The following RHOA variants were observed in gnomAD, a reference collection of about 807,000 sequenced individuals.
RHOA encodes transforming protein RhoA.
Under a neutral mutation model 17.5 loss-of-function variants are expected in RHOA, and 3 were observed. The observed-to-expected ratio is 0.17, with a 90% CI of 0.08 to 0.44. The LOEUF (loss-of-function observed/expected upper bound fraction) is 0.44, where lower values mean the gene tolerates loss of function less well. RHOA is among the 20% of genes least tolerant of loss of function. RHOA has a pLI of 0.99. For missense variants in RHOA, 56 were observed against 242.3 expected, an observed-to-expected ratio of 0.23 and a Z score of 5.10; for synonymous variants, 98 against 88.4, an observed-to-expected ratio of 1.11 and a Z score of -0.61.
At chr3:49,368,295 T>A in intron 3 of RHOA, 133 bp downstream of exon 3, 1 of 1,148,390 alleles carries the variant, frequency 8.7e-7, no homozygotes, top group Non-Finnish European at 1.3e-6. Context: ...AATCCCAAAC[T>A]CCAGGACTCC....
intron 2 of RHOA, among the ~76,000 whole-genome samples, chr3:49,372,835 C>T (rs1045637637): frequency 2.6e-5 from 4 of 151,794 alleles, no homozygotes; most frequent in Admixed American, 2.0e-4. Flanking sequence ...AAACATTTTC[C>T]GTTACTTCAC....
At chr3:49,376,899 C>G (rs1052163263) in intron 1 of RHOA, among the ~76,000 whole-genome samples, 1 of 151,880 alleles carries the variant, frequency 6.6e-6, no homozygotes, top group African/African-American at 2.4e-5. Context: ...GAGGCCGAGG[C>G]AGGCAGATCA....
chr3:49,382,116 G>A (rs892652866), intron 1 of RHOA, among the ~76,000 whole-genome samples: 27 of 148,348 alleles, frequency 1.8e-4, no homozygotes, highest in African/African-American at 6.2e-4. Context: ...TAAGGAGATC[G>A]AGACCATCCT....
At chr3:49,397,127 C>A (rs1162321235) in intron 1 of RHOA, among the ~76,000 whole-genome samples, 4 of 105,294 alleles carry the variant, frequency 3.8e-5, no homozygotes, top group African/African-American at 3.7e-5. Flanking sequence ...AAAATCCTGT[C>A]TCAAAAAAAA....
At chr3:49,361,499 C>A (rs1270471393) in intron 4 of RHOA, among the ~76,000 whole-genome samples, 1 of 152,206 alleles carries the variant, frequency 6.6e-6, no homozygotes, top group Middle Eastern at 3.2e-3. Context: ...TCTGGACTCC[C>A]AGCCTTCAAG....
In RHOA at chr3:49,408,051, T is replaced by C. The variant is rs79050907; in HGVS notation, c.-3+3769A>G. Among the ~76,000 whole-genome samples, 417 of 151,876 alleles carry C rather than the reference T, an allele frequency of 2.7e-3. 3 individuals are homozygous for C. Among genetic ancestry groups the C allele is most frequent in the African/African-American group, 9.4e-3 (387 of 41,374 alleles). On this transcript the variant is annotated intron_variant, in intron 1 of 4. Coordinates refer to ENST00000418115, the MANE Select transcript of RHOA (RefSeq NM_001664.4). ...GGCGCATGCTGGTACTCCCAACTACTCCAGAGGCCGAGGCACAAGAATCAC... is the reference window on the plus strand; with the variant it reads ...GGCGCATGCTGGTACTCCCAACTACCCCAGAGGCCGAGGCACAAGAATCAC...
intron 1 of RHOA, among the ~76,000 whole-genome samples, chr3:49,376,118 G>T (rs1044009431): frequency 6.6e-6 from 1 of 152,028 alleles, no homozygotes; most frequent in Non-Finnish European, 1.5e-5. Context: ...TGGGATTACA[G>T]GCGTGAGCCA....
intron 3 of RHOA, among the ~76,000 whole-genome samples, chr3:49,363,072 A>T (rs983535226): frequency 1.8e-4 from 27 of 152,016 alleles, no homozygotes; most frequent in African/African-American, 6.0e-4. Context: ...TTGTTCATCA[A>T]CTCTCAGCAT....
At position 49,362,823 on chromosome 3, in the gene RHOA, T is replaced by C. The variant is rs927873617; in HGVS notation, c.278-197A>G. ...TTTAAACAGAGAACCAACAGCTTTT[T>C]CTCAGTCCAGCCAAGAGTGGTGCTG... On this transcript the variant is annotated intron_variant, in intron 3 of 4. Transcript: ENST00000418115. Among the ~76,000 whole-genome samples, 9 of 152,158 alleles carry C rather than the reference T, an allele frequency of 5.9e-5. No homozygotes were observed. The East Asian group carries it at 1.7e-3, about 29-fold the overall frequency.
At chr3:49,404,129 C>G (rs1431330610) in intron 1 of RHOA, among the ~76,000 whole-genome samples, 1 of 114,232 alleles carries the variant, frequency 8.8e-6, no homozygotes, top group Non-Finnish European at 2.1e-5. Flanking sequence ...AGCAAGACTC[C>G]ATCTCTACAA....
chr3:49,370,813 G>A (rs2048136432), intron 2 of RHOA, among the ~76,000 whole-genome samples: 1 of 152,094 alleles, frequency 6.6e-6, no homozygotes, highest in Admixed American at 6.6e-5. Flanking sequence ...TGAGGCCCAA[G>A]AGGTCTCCCT....
In RHOA at chr3:49,378,170, T is replaced by TTAA. The variant is rs778143146; in HGVS notation, c.-2-2580_-2-2579insTTA. Among the ~76,000 whole-genome samples the TTAA allele has an allele frequency of 1.4e-3, 124 of 90,474 alleles. 2 individuals are homozygous for TTAA. The highest frequency in any genetic ancestry group is 4.3e-3 in the African/African-American group (102 of 23,734). The allele number at this position is 90,474 out of a possible 152,430, so 59.4% of individuals were successfully genotyped here. The stretch of plus-strand genomic sequence containing the variant: ...TGGGCAACAGAGTGAAACTGTGTCT[T>TTAA]AAAAAAAAAAAAAAAAAAAAAGAGA... On this transcript the variant is annotated intron_variant, in intron 1 of 4. Transcript: ENST00000418115.
At chr3:49,384,142 T>A (rs1452464647) in intron 1 of RHOA, among the ~76,000 whole-genome samples, 2 of 152,156 alleles carry the variant, frequency 1.3e-5, no homozygotes, top group Non-Finnish European at 2.9e-5. Context: ...TACAAGTGAT[T>A]ATCGGACAAA....
rs375090341 is a variant in RHOA, at chr3:49,388,995, CAT to C, written c.-2-13406_-2-13405del. ...AAAAGAAACCAGTCACAAAGAACCA[CAT>C]GTTTCATACCATATTTGTATGAAAT... On this transcript the variant is annotated intron_variant, in intron 1 of 4. Transcript: ENST00000418115. 2.6e-3 allele frequency among the ~76,000 whole-genome samples: 403 copies of C among 152,256 alleles called. 1 individual carries two copies. The highest frequency in any genetic ancestry group is 7.5e-3 in the African/African-American group (311 of 41,548).
Position 49,369,006 on chromosome 3 carries a change from C to CTTTTT in RHOA, c.157-463_157-459dup, listed in dbSNP as rs1160140765. 4.9e-3 allele frequency among the ~76,000 whole-genome samples: 290 copies of CTTTTT among 59,702 alleles called. 11 individuals carry two copies. The highest frequency in any genetic ancestry group is 9.4e-3 in the African/African-American group (121 of 12,924). The allele number at this position is 59,702 out of a possible 152,430, so 39.2% of individuals were successfully genotyped here. A position where few individuals can be genotyped will look rare whatever the true frequency, so the allele number is the denominator to read the frequency against. ...GCAGGCGTGACCCACCGCGCCTGGC[C>CTTTTT]TTTTTTTTTTTTTTTTTTTTTTTTT... is the stretch of plus-strand genomic sequence containing the variant. On this transcript the variant is annotated intron_variant, in intron 2 of 4. Transcript: ENST00000418115.
intron 1 of RHOA, among the ~76,000 whole-genome samples, chr3:49,389,747 C>G (rs1434877920): frequency 1.3e-5 from 2 of 151,892 alleles, no homozygotes; most frequent in Non-Finnish European, 2.9e-5. Context: ...TGACACCATC[C>G]TAACACAGTG....
chr3:49,389,637 T>C (rs966021331), intron 1 of RHOA, among the ~76,000 whole-genome samples: 1 of 151,830 alleles, frequency 6.6e-6, no homozygotes, highest in African/African-American at 2.4e-5. Flanking sequence ...AGCTAACAAC[T>C]TACAATAAAT....
chr3:49,360,121 T>A lies in RHOA; in HGVS notation c.*88A>T. ...TTTGTAATCTTAGGTAAATTATAGA[T>A]AAATGAAAAAGGCCAGTAATCATAC... On this transcript the variant is annotated 3_prime_UTR_variant, in exon 5 of 5. Transcript: ENST00000418115. The A allele has an allele frequency of 7.6e-7, 1 of 1,319,612 alleles. No homozygotes were observed. The highest frequency in any genetic ancestry group is 2.3e-5 in the Admixed American group (1 of 43,184). The allele number at this position is 1,319,612 out of a possible 1,614,324, so 81.7% of individuals were successfully genotyped here. A position where few individuals can be genotyped will look rare whatever the true frequency, so the allele number is the denominator to read the frequency against.
At position 49,360,332 on chromosome 3, in the gene RHOA, A is replaced by G. The variant is rs2107826127; in HGVS notation, c.459T>C (p.Ala153=). The change falls in exon 5 of 5, where the codon GCT becomes GCC. Residue 153 remains alanine, a synonymous_variant. Coordinates refer to ENST00000418115, the MANE Select transcript of RHOA (RefSeq NM_001664.4). ...TTGCTGAACACTCCATGTACCCAAA[A>G]GCGCCAATCCTGTTTGCCATATCTC... is the stretch of plus-strand genomic sequence containing the variant. The part of the protein sequence containing the change: ...EGRDMANRIG[A]FGYMECSAKT... 1.9e-6 allele frequency: 3 copies of G among 1,614,040 alleles called. No individual in the cohort carries two copies. The highest frequency in any genetic ancestry group is 1.7e-6 in the Non-Finnish European group (2 of 1,179,984).
Sources: allele counts gnomAD v4.1 joint callset (sites outside exome capture counted in the v4.1 genomes callset), GRCh38; gene constraint gnomAD v4.1.1; transcripts MANE v1.5; gene names NCBI Gene and HGNC (gene_info 2026-07-23, HGNC 2026-07-21).